Variants in SPATA13 observed in about 807,000 individuals in gnomAD.
The protein encoded by SPATA13 is spermatogenesis-associated protein 13.
SPATA13 carries 50 observed loss-of-function variants against 104.0 expected under a neutral mutation model. That is an observed-to-expected ratio of 0.48 (90% CI 0.38 to 0.61). The LOEUF is 0.61. Among genes scored for constraint, SPATA13 ranks in the 20% least tolerant of loss-of-function variants. The pLI, the probability that SPATA13 is intolerant of heterozygous loss-of-function variation, is 0.00. For synonymous variants in SPATA13, 606 were observed against 667.5 expected (o/e 0.91, Z 1.42); for missense variants, 1,524 against 1,690.6 (o/e 0.90, Z 1.73).
chr13:24,113,862 C>G (rs1356950235), intron 3 of SPATA13, among the ~76,000 whole-genome samples: 6 of 111,768 alleles, frequency 5.4e-5, no homozygotes, highest in African/African-American at 1.1e-4. Flanking sequence ...GAGTGAGACT[C>G]GATCTCAAAA....
rs553955778 is a variant in SPATA13, at chr13:24,046,589, A to G, written c.-112+28888A>G. 2.3e-4 allele frequency among the ~76,000 whole-genome samples: 33 copies of G among 141,230 alleles called. No individual in the cohort carries two copies. In the Middle Eastern group the frequency reaches 0.011, roughly 47 times the overall value. The allele number at this position is 141,230 out of a possible 152,430, so 92.7% of individuals were successfully genotyped here. On this transcript the variant is annotated intron_variant, in intron 3 of 14. Coordinates refer to the SPATA13 transcript ENST00000424834. ...GCCTCTTTCACTCAATATGTTTGCA[A>G]GATTCATCCATGATGTGTGGGTAGC...
Position 24,303,189 on chromosome 13 carries a change from ATT to A in SPATA13, c.*419_*420del. ...GGTTAGAGGATCACTTCTGCATTTG[ATT>A]TTCAAGGATGCCGTCAAGACGGGGT... is the stretch of plus-strand genomic sequence containing the variant. On this transcript the variant is annotated 3_prime_UTR_variant, in exon 13 of 13. Coordinates refer to ENST00000382108, the MANE Select transcript of SPATA13 (RefSeq NM_001166271.3). The A allele has an allele frequency of 2.6e-6, 1 of 391,168 alleles. No homozygotes were observed. Among genetic ancestry groups the A allele is most frequent in the Non-Finnish European group, 5.1e-6 (1 of 197,132 alleles). 24.2% of individuals were successfully genotyped at this position (391,168 alleles called of 1,614,324 possible). A position where few individuals can be genotyped will look rare whatever the true frequency, so the allele number is the denominator to read the frequency against.
At chr13:24,095,178 G>A (rs994228293) in intron 3 of SPATA13, among the ~76,000 whole-genome samples, 1 of 152,134 alleles carries the variant, frequency 6.6e-6, no homozygotes, top group Admixed American at 6.6e-5. Context: ...TGGATAAATG[G>A]ATAAACAAAA....
In SPATA13 at chr13:24,160,731, C is replaced by G. The variant is rs1246749750; in HGVS notation, c.-313C>G. The G allele has an allele frequency of 3.0e-6, 3 of 985,500 alleles. No homozygotes were observed. Among genetic ancestry groups the G allele is most frequent in the South Asian group, 4.7e-5 (1 of 21,302 alleles). The allele number at this position is 985,500 out of a possible 1,614,324, so 61.0% of individuals were successfully genotyped here. On this transcript the variant is annotated 5_prime_UTR_variant, in exon 1 of 13. Transcript: ENST00000382108. Reference sequence around the variant, plus strand: ...GGCGTGGCTTGGCTGAGTGTGCTGCCGCGGCGCGGGAGGAGAGTGTGCGTT... The same window carrying G: ...GGCGTGGCTTGGCTGAGTGTGCTGCGGCGGCGCGGGAGGAGAGTGTGCGTT...
intron 2 of SPATA13, among the ~76,000 whole-genome samples, chr13:24,015,353 A>C (rs1876662799): frequency 6.6e-6 from 1 of 152,238 alleles, no homozygotes; most frequent in African/African-American, 2.4e-5. Context: ...CCTAAGTAAA[A>C]GCCTTAGCAA....
chr13:24,122,004 C>G (rs140199049), intron 3 of SPATA13: 11 of 1,158,670 alleles, frequency 9.5e-6, no homozygotes, highest in East Asian at 4.7e-5. Flanking sequence ...CTTCTGGAAC[C>G]ACTGCTAGGA....
At chr13:24,122,821 G>A in intron 3 of SPATA13, 1 of 774,476 alleles carries the variant, frequency 1.3e-6, no homozygotes, top group Non-Finnish European at 2.4e-6. Context: ...GTCAAACTGT[G>A]CACTAAAGAG....
chr13:24,188,784 G>T (rs1328034083), intron 1 of SPATA13, among the ~76,000 whole-genome samples: 1 of 152,182 alleles, frequency 6.6e-6, no homozygotes, highest in East Asian at 1.9e-4. Flanking sequence ...CTAGAGAGGA[G>T]AAGTCAGTGT....
In SPATA13 at chr13:24,061,309, G is replaced by T. The variant is rs77468967; in HGVS notation, c.-112+43608G>T. On this transcript the variant is annotated intron_variant, in intron 3 of 14. Coordinates refer to the SPATA13 transcript ENST00000424834. ...TTTAGCCATTGTAGAAAGTAATGTAGCAATTCTTCAAAGAGCTAAAAACAA... is the reference window on the plus strand; with the variant it reads ...TTTAGCCATTGTAGAAAGTAATGTATCAATTCTTCAAAGAGCTAAAAACAA... 7.7e-3 allele frequency among the ~76,000 whole-genome samples: 1,171 copies of T among 152,194 alleles called. 6 individuals are homozygous for T. The highest frequency in any genetic ancestry group is 0.041 in the Middle Eastern group (12 of 292).
In SPATA13 at chr13:24,224,306, G is replaced by T. The variant is rs1871798677; in HGVS notation, c.1377G>T (p.Gln459His). Residue 459 changes from glutamine to histidine, a missense_variant, in exon 2 of 13, where the codon CAG (glutamine) becomes CAT (histidine). Transcript: ENST00000382108. ...GCCAGTTGACATTTGACCCTGAGCAGCCTCCCACCCCTCTAAGGCCCACCA... is the reference window on the plus strand; with the variant it reads ...GCCAGTTGACATTTGACCCTGAGCATCCTCCCACCCCTCTAAGGCCCACCA... The part of the protein sequence containing the change: ...AGSQLTFDPE[Q>H]PPTPLRPTTP... 1 of 1,551,636 alleles carries T rather than the reference G, an allele frequency of 6.4e-7. No individual in the cohort carries two copies. Among genetic ancestry groups the T allele is most frequent in the Admixed American group, 2.0e-5 (1 of 50,990 alleles).
At chr13:24,038,493 T>C (rs1346894688) in intron 3 of SPATA13, among the ~76,000 whole-genome samples, 1 of 152,190 alleles carries the variant, frequency 6.6e-6, no homozygotes, top group African/African-American at 2.4e-5. Context: ...GACAAATCAC[T>C]GCAGCACTTC....
intron 1 of SPATA13, among the ~76,000 whole-genome samples, chr13:24,201,042 CACACACACACACACACACACACACAG>C (rs1269279667): frequency 3.3e-5 from 1 of 30,476 alleles, no homozygotes; most frequent in East Asian, 4.9e-3. Context: ...CACACACACA[CACACACACACACACACACACACACAG>C]AGTTTGGATT....
At position 24,019,712 on chromosome 13, in the gene SPATA13, TA is replaced by T. The variant is rs548034272; in HGVS notation, c.-112+2021del. Among the ~76,000 whole-genome samples the T allele has an allele frequency of 5.3e-3, 791 of 149,422 alleles. 11 individuals are homozygous for T. The highest frequency in any genetic ancestry group is 0.012 in the Admixed American group (185 of 14,984). On this transcript the variant is annotated intron_variant, in intron 3 of 14. Coordinates refer to the SPATA13 transcript ENST00000424834. The stretch of plus-strand genomic sequence containing the variant: ...TATTTAAAAAATAAAATAGGACTGC[TA>T]AAAAAAAAATGACATTTTGAAATAC...
At chr13:24,210,074 A>C (rs1039637895) in intron 1 of SPATA13, among the ~76,000 whole-genome samples, 2 of 152,086 alleles carry the variant, frequency 1.3e-5, no homozygotes, top group Non-Finnish European at 2.9e-5. Flanking sequence ...TCTTTGAAAA[A>C]ATGTTCAGTT....
intron 4 of SPATA13, chr13:24,254,541 G>A (rs912145): frequency 0.26 from 40,066 of 152,238 alleles, 6,584 homozygotes; most frequent in African/African-American, 0.47. Flanking sequence ...CCTGGATGGC[G>A]TGTGAGATGC....
In SPATA13 at chr13:24,022,574, A is replaced by G. The variant is rs538708404; in HGVS notation, c.-112+4873A>G. Reference sequence around the variant, plus strand: ...GAAAATGTACTTTACTGAGCTGCACACTTGAAAATGGTTAAGATGGTGAAT... The same window carrying G: ...GAAAATGTACTTTACTGAGCTGCACGCTTGAAAATGGTTAAGATGGTGAAT... On this transcript the variant is annotated intron_variant, in intron 3 of 14. Coordinates refer to the SPATA13 transcript ENST00000424834. Among the ~76,000 whole-genome samples the G allele has an allele frequency of 3.9e-5, 6 of 152,344 alleles. No individual in the cohort carries two copies. In the East Asian group the frequency reaches 5.8e-4, roughly 15 times the overall value.
intron 9 of SPATA13, among the ~76,000 whole-genome samples, chr13:24,292,244 G>A (rs943201071): frequency 3.3e-5 from 5 of 152,200 alleles, no homozygotes; most frequent in African/African-American, 4.8e-5. Flanking sequence ...TTCAGCATTG[G>A]AATGTGCATG....
intron 3 of SPATA13, among the ~76,000 whole-genome samples, chr13:24,089,625 C>T (rs139482521): frequency 6.2e-4 from 94 of 152,282 alleles, no homozygotes; most frequent in African/African-American, 2.2e-3. Flanking sequence ...ATCACCAAAA[C>T]GCCAAATAAT....
intron 3 of SPATA13, among the ~76,000 whole-genome samples, chr13:24,069,960 A>C (rs945230138): frequency 6.6e-6 from 1 of 152,230 alleles, no homozygotes; most frequent in Non-Finnish European, 1.5e-5. Context: ...CTGGGAGGGC[A>C]TTCCTATCTG....
Sources: gnomAD v4.1 joint callset for allele counts (sites outside exome capture counted in the v4.1 genomes callset) on GRCh38, gnomAD v4.1.1 for gene constraint, MANE v1.5 for transcripts, NCBI Gene and HGNC (gene_info 2026-07-23, HGNC 2026-07-21) for gene names.